GRIK4: variants seen among roughly 807,000 people sequenced by gnomAD.
The protein encoded by GRIK4 is glutamate ionotropic receptor kainate type subunit 4.
A neutral mutation model predicts 104.9 loss-of-function variants in GRIK4; 40 were observed. The observed-to-expected ratio is 0.38, with a 90% CI of 0.30 to 0.50. The LOEUF (loss-of-function observed/expected upper bound fraction) is 0.50. GRIK4 is among the 20% of genes least tolerant of loss of function. The pLI, the probability that GRIK4 is intolerant of heterozygous loss-of-function variation, is 0.93. For missense variants in GRIK4, 1,047 were observed against 1,308.1 expected (o/e 0.80, Z 3.08); for synonymous variants, 485 against 524.9 (o/e 0.92, Z 1.04).
intron 19 of GRIK4, among the ~76,000 whole-genome samples, chr11:120,979,328 T>A (rs536114145): frequency 6.6e-6 from 1 of 152,360 alleles, no homozygotes; most frequent in East Asian, 1.9e-4. Flanking sequence ...CATTCTTTTG[T>A]ATGTATGTGC....
At chr11:120,624,759 A>G (rs2135171468) in intron 1 of GRIK4, among the ~76,000 whole-genome samples, 1 of 152,212 alleles carries the variant, frequency 6.6e-6, no homozygotes, top group South Asian at 2.1e-4. Flanking sequence ...GGGCTGTGAA[A>G]CAGCTCCCAC....
Position 120,556,233 on chromosome 11 carries a change from C to T in GRIK4, c.-159+44346C>T, listed in dbSNP as rs553184788. ...GGGAATTCATGCATGCATGCATTCACCCATGAGTCCTTTCTTTGTCTCATA... is the reference window on the plus strand; with the variant it reads ...GGGAATTCATGCATGCATGCATTCATCCATGAGTCCTTTCTTTGTCTCATA... On this transcript the variant is annotated intron_variant, in intron 1 of 20. Coordinates refer to ENST00000527524, the MANE Select transcript of GRIK4 (RefSeq NM_014619.5). 2.0e-5 allele frequency among the ~76,000 whole-genome samples: 3 copies of T among 152,188 alleles called. No individual in the cohort carries two copies. In the South Asian group the frequency reaches 6.2e-4, roughly 32 times the overall value.
intron 1 of GRIK4, among the ~76,000 whole-genome samples, chr11:120,621,564 A>G (rs1949190169): frequency 6.6e-6 from 1 of 152,116 alleles, no homozygotes; most frequent in South Asian, 2.1e-4. Flanking sequence ...AGAAAGAGTG[A>G]AGGTCCTGGC....
At position 120,850,996 on chromosome 11, in the gene GRIK4, C is replaced by A. The variant is rs573463922; in HGVS notation, c.745-10963C>A. Among the ~76,000 whole-genome samples the A allele has an allele frequency of 2.7e-3, 417 of 152,160 alleles. 2 individuals are homozygous for A. The highest frequency in any genetic ancestry group is 2.6e-3 in the Non-Finnish European group (176 of 68,028). Reference sequence around the variant, plus strand: ...TCTGGGGCTTCCCTCACATTCATAGCCCAGTGGCAAGCCTGATGCCTGCCC... The same window carrying A: ...TCTGGGGCTTCCCTCACATTCATAGACCAGTGGCAAGCCTGATGCCTGCCC... On this transcript the variant is annotated intron_variant, in intron 8 of 20. Coordinates refer to ENST00000527524, the MANE Select transcript of GRIK4 (RefSeq NM_014619.5).
At chr11:120,733,120 G>T (rs1344214088) in intron 3 of GRIK4, among the ~76,000 whole-genome samples, 1 of 152,026 alleles carries the variant, frequency 6.6e-6, no homozygotes, top group African/African-American at 2.4e-5. Flanking sequence ...TACAGATTTT[G>T]TCTTGAAATT....
chr11:120,918,394 T>A (rs1281608333), intron 13 of GRIK4, among the ~76,000 whole-genome samples: 1 of 152,218 alleles, frequency 6.6e-6, no homozygotes, highest in Non-Finnish European at 1.5e-5. Flanking sequence ...GATTCCATAT[T>A]GGTTGTGCCT....
intron 3 of GRIK4, among the ~76,000 whole-genome samples, chr11:120,796,161 G>T (rs1200700268): frequency 6.6e-5 from 10 of 150,676 alleles, no homozygotes; most frequent in African/African-American, 2.4e-4. Flanking sequence ...TCAGCCTCCC[G>T]AGTAGCTGGG....
chr11:120,639,448 C>T (rs965398815), intron 1 of GRIK4, among the ~76,000 whole-genome samples: 1 of 152,286 alleles, frequency 6.6e-6, no homozygotes, highest in South Asian at 2.1e-4. Flanking sequence ...GGCTCACTAT[C>T]CCTTGCTCCC....
intron 3 of GRIK4, among the ~76,000 whole-genome samples, chr11:120,749,519 G>T (rs80200022): frequency 6.6e-6 from 1 of 152,190 alleles, no homozygotes; most frequent in Non-Finnish European, 1.5e-5. Flanking sequence ...AGAGCAATCC[G>T]TAGAGCTTTC....
chr11:120,934,723 GGGAGA>G (rs1943558651), intron 13 of GRIK4, among the ~76,000 whole-genome samples: 1 of 152,156 alleles, frequency 6.6e-6, no homozygotes, highest in African/African-American at 2.4e-5. Flanking sequence ...GTCAAAAATA[GGGAGA>G]GGAGAGAGGT....
intron 11 of GRIK4, among the ~76,000 whole-genome samples, chr11:120,889,616 T>TTTTTTTTTTTTTTTGG (rs1955223485): frequency 7.2e-6 from 1 of 139,518 alleles, no homozygotes; most frequent in East Asian, 2.0e-4. Flanking sequence ...TTTTTTTTTT[T>TTTTTTTTTTTTTTTGG]TTTATGAGAT....
intron 1 of GRIK4, among the ~76,000 whole-genome samples, chr11:120,572,461 G>A (rs1342463871): frequency 1.3e-5 from 2 of 152,174 alleles, no homozygotes; most frequent in Non-Finnish European, 2.9e-5. Flanking sequence ...TGGAAGGCAT[G>A]AGCATGTCGA....
At chr11:120,875,635 A>C (rs939100183) in intron 11 of GRIK4, among the ~76,000 whole-genome samples, 4 of 152,154 alleles carry the variant, frequency 2.6e-5, no homozygotes, top group African/African-American at 7.2e-5. Flanking sequence ...TCAGTGTTGC[A>C]GTGCATGGCT....
chr11:120,978,802 C>T (rs1005219217), intron 19 of GRIK4, among the ~76,000 whole-genome samples: 1 of 152,006 alleles, frequency 6.6e-6, no homozygotes, highest in Admixed American at 6.6e-5. Context: ...AAAATGTGCC[C>T]CGGGCCAATC....
intron 6 of GRIK4, among the ~76,000 whole-genome samples, chr11:120,823,053 G>A (rs888541554): frequency 1.6e-4 from 25 of 152,250 alleles, no homozygotes; most frequent in African/African-American, 4.8e-4. Flanking sequence ...ACTGCCACAC[G>A]CCCATTTTGG....
chr11:120,690,682 G>A (rs1055830885), intron 3 of GRIK4, among the ~76,000 whole-genome samples: 5 of 152,210 alleles, frequency 3.3e-5, no homozygotes, highest in Admixed American at 6.5e-5. Context: ...CAGCAGCCCC[G>A]GGACCTGTGG....
intron 1 of GRIK4, among the ~76,000 whole-genome samples, chr11:120,531,870 C>T (rs1947927467): frequency 6.6e-6 from 1 of 152,124 alleles, no homozygotes; most frequent in Admixed American, 6.5e-5. Context: ...GCCACCGTGC[C>T]CAGCCTGCCT....
intron 12 of GRIK4, among the ~76,000 whole-genome samples, chr11:120,900,426 TATGCTGGGC>T (rs1942700057): frequency 6.6e-6 from 1 of 152,202 alleles, no homozygotes; most frequent in Non-Finnish European, 1.5e-5. Flanking sequence ...GGTGCTGCTA[TATGCTGGGC>T]ACTGTTGTAG....
chr11:120,720,822 C>A (rs1950919630), intron 3 of GRIK4, among the ~76,000 whole-genome samples: 1 of 151,954 alleles, frequency 6.6e-6, no homozygotes, highest in Non-Finnish European at 1.5e-5. Context: ...ATTGAGAAAT[C>A]ATTGCTCTGT....
Sources: allele counts gnomAD v4.1 joint callset (sites outside exome capture counted in the v4.1 genomes callset), GRCh38; gene constraint gnomAD v4.1.1; transcripts MANE v1.5; gene names NCBI Gene and HGNC (gene_info 2026-07-23, HGNC 2026-07-21).